Variants in ZNF541 observed in about 807,000 individuals in gnomAD.
ZNF541 encodes the protein zinc finger protein 541.
ZNF541 carries 23 observed loss-of-function variants against 123.5 expected under a neutral mutation model. The observed-to-expected ratio is 0.19, with a 90% CI of 0.13 to 0.26. ZNF541 has a LOEUF of 0.26. Ranked by LOEUF, ZNF541 falls within the 10% of genes least tolerant of loss-of-function variation. ZNF541 has a pLI of 1.00. For missense variants in ZNF541, 1,612 were observed against 1,789.9 expected, an observed-to-expected ratio of 0.90 and a Z score of 1.79; for synonymous variants, 751 against 754.5, an observed-to-expected ratio of 1.00 and a Z score of 0.08.
At chr19:47,563,208 C>G (rs1971134781) in intron 2 of ZNF541, among the ~76,000 whole-genome samples, 1 of 152,224 alleles carries the variant, frequency 6.6e-6, no homozygotes, top group South Asian at 2.1e-4. Context: ...TGAGACCCAA[C>G]TGAGTTTCAG....
rs892227188 is a variant in ZNF541 at position 47,544,608 on chromosome 19, C to G, written c.1921G>C (p.Gly641Arg). Residue 641 changes from glycine (G) to arginine (R), a missense_variant, in exon 5 of 17, where the codon GGC (glycine) becomes CGC (arginine). Physicochemically the swap from Gly to Arg is moderately radical, Grantham distance 125 (BLOSUM62 -2). Around this residue, in one of 5 missense-constraint regions of ZNF541, gnomAD observed 1,080 missense variants for 1,013.8 expected, o/e 1.07. Transcript: ENST00000391901. Reference sequence around the variant, plus strand: ...CCCTTTGCGTCTCGTCTCGTGCTGCCGGGGGAGGCCTCTCTGGGAACCCCG... The same window carrying G: ...CCCTTTGCGTCTCGTCTCGTGCTGCGGGGGGAGGCCTCTCTGGGAACCCCG... ...TPGVPREASP[G>R]STRRDAKGGL... 3 of 1,550,962 alleles carry G rather than the reference C, an allele frequency of 1.9e-6. No individual in the cohort carries two copies. Among genetic ancestry groups the G allele is most frequent in the Non-Finnish European group, 2.6e-6 (3 of 1,146,948 alleles).
chr19:47,561,779 TAACAG>T (rs1971073384), intron 2 of ZNF541, among the ~76,000 whole-genome samples: 1 of 151,996 alleles, frequency 6.6e-6, no homozygotes, highest in Admixed American at 6.6e-5. Context: ...ACCACTAAAC[TAACAG>T]AACAGACTAC....
chr19:47,545,676 G>C lies in ZNF541; in HGVS notation c.853C>G (p.Gln285Glu), dbSNP rs1378033155. ...LRRIVSSIVH[Q>E]KTPSPGPAPA... ...GCTGGGCCAGGAGAAGGGGTCTTCT[G>C]GTGGACGATGCTACTCACGATGCGG... Residue 285 changes from glutamine to glutamate, a missense_variant, in exon 5 of 17, where the codon CAG (glutamine) becomes GAG (glutamate). Physicochemically the swap from Gln to Glu is conservative, Grantham distance 29 (BLOSUM62 2). Around this residue, in one of 5 missense-constraint regions of ZNF541, gnomAD observed 1,080 missense variants for 1,013.8 expected, o/e 1.07. Transcript: ENST00000391901. The surrounding 1 kb of genome is among the most constrained non-coding windows in gnomAD (Gnocchi z 7.5). The C allele has an allele frequency of 5.8e-6, 9 of 1,548,766 alleles. No homozygotes were observed. The highest frequency in any genetic ancestry group is 7.0e-6 in the Non-Finnish European group (8 of 1,146,782).
intron 3 of ZNF541, among the ~76,000 whole-genome samples, chr19:47,553,696 G>A (rs1254209423): frequency 6.6e-6 from 1 of 152,064 alleles, no homozygotes; most frequent in Non-Finnish European, 1.5e-5. Flanking sequence ...GAGCCACCAC[G>A]CCTGGCCAAA....
At chr19:47,553,077 C>T (rs1333203314) in intron 3 of ZNF541, among the ~76,000 whole-genome samples, 1 of 151,800 alleles carries the variant, frequency 6.6e-6, no homozygotes, top group Non-Finnish European at 1.5e-5. Flanking sequence ...CCATTACACT[C>T]TAACCTGGTG....
intron 2 of ZNF541, among the ~76,000 whole-genome samples, chr19:47,570,039 C>T (rs1192232707): frequency 1.3e-5 from 2 of 152,100 alleles, no homozygotes; most frequent in African/African-American, 2.4e-5. Context: ...CTTTGGGAGG[C>T]TGAGGCGGGC....
chr19:47,561,635 G>C (rs866558216), intron 2 of ZNF541, among the ~76,000 whole-genome samples: 19 of 152,114 alleles, frequency 1.2e-4, no homozygotes, highest in African/African-American at 4.3e-4. Flanking sequence ...GCGAAGGTAG[G>C]GTTGTTAACC....
At chr19:47,550,374 GAGAA>G (rs1280620624) in intron 3 of ZNF541, among the ~76,000 whole-genome samples, 7 of 148,490 alleles carry the variant, frequency 4.7e-5, no homozygotes, top group African/African-American at 1.7e-4. Context: ...AAGAAGGAAA[GAGAA>G]AGAGAAAGAT....
chr19:47,571,811 A>G (rs151285017), intron 2 of ZNF541, among the ~76,000 whole-genome samples, 85 bp downstream of exon 2: 47 of 152,304 alleles, frequency 3.1e-4, no homozygotes, highest in African/African-American at 1.1e-3. Flanking sequence ...GGACTTTGGT[A>G]TTGCTTAGAA....
At chr19:47,526,936 C>T (rs1251694263) in intron 14 of ZNF541, among the ~76,000 whole-genome samples, 2 of 152,144 alleles carry the variant, frequency 1.3e-5, no homozygotes, top group African/African-American at 4.8e-5. Flanking sequence ...CAAATGTCCA[C>T]CAACAGGCAA....
At chr19:47,539,958 T>A in intron 7 of ZNF541, 80 bp from the exon 8 acceptor site, 1 of 1,498,272 alleles carries the variant, frequency 6.7e-7, no homozygotes, top group African/African-American at 1.4e-5. Context: ...CAAAAAAAGC[T>A]GTCATAGAAA....
At chr19:47,566,730 G>A (rs534305797) in intron 2 of ZNF541, among the ~76,000 whole-genome samples, 6 of 146,874 alleles carry the variant, frequency 4.1e-5, no homozygotes, top group African/African-American at 1.5e-4. Context: ...TGGTGACAAA[G>A]CCAGACTCCA....
At chr19:47,567,339 C>T (rs893677411) in intron 2 of ZNF541, among the ~76,000 whole-genome samples, 1 of 152,114 alleles carries the variant, frequency 6.6e-6, no homozygotes, top group African/African-American at 2.4e-5. Context: ...TTCACTGCAA[C>T]CTCCACCTCC....
chr19:47,526,288 C>T (rs1969291110), intron 14 of ZNF541, among the ~76,000 whole-genome samples: 3 of 151,990 alleles, frequency 2.0e-5, no homozygotes, highest in Non-Finnish European at 2.9e-5. Context: ...TCGAGACCAG[C>T]CTGGTCAACA....
intron 2 of ZNF541, among the ~76,000 whole-genome samples, chr19:47,561,163 A>G (rs537700631): frequency 1.3e-5 from 2 of 152,352 alleles, no homozygotes; most frequent in East Asian, 3.9e-4. Flanking sequence ...CAAAACCCAC[A>G]GAACTATACA....
At chr19:47,556,286 G>GA (rs1200337529) in intron 2 of ZNF541, among the ~76,000 whole-genome samples, 2 of 152,118 alleles carry the variant, frequency 1.3e-5, no homozygotes, top group African/African-American at 2.4e-5. Flanking sequence ...CAAAAGACAG[G>GA]AAAAATCCCA....
Position 47,551,241 on chromosome 19 carries a change from T to C in ZNF541, c.308-1756A>G, listed in dbSNP as rs560211517. On this transcript the variant is annotated intron_variant, in intron 3 of 16. Transcript: ENST00000391901. ...TTTTAGTAGAGATGGGGTTTCACCA[T>C]GTTGGCCAGGCTGGTCTCGAACTTC... is the stretch of plus-strand genomic sequence containing the variant. Among the ~76,000 whole-genome samples, 4 of 152,066 alleles carry C rather than the reference T, an allele frequency of 2.6e-5. No homozygotes were observed. In the South Asian group the frequency reaches 8.3e-4, roughly 32 times the overall value.
At chr19:47,565,974 C>G (rs1056082172) in intron 2 of ZNF541, among the ~76,000 whole-genome samples, 2 of 151,992 alleles carry the variant, frequency 1.3e-5, no homozygotes, top group Non-Finnish European at 2.9e-5. Context: ...GTCAGGAGTT[C>G]GAGACCAGAC....
intron 14 of ZNF541, among the ~76,000 whole-genome samples, chr19:47,528,426 C>A (rs1969410158): frequency 6.6e-6 from 1 of 151,304 alleles, no homozygotes; most frequent in African/African-American, 2.4e-5. Flanking sequence ...AAACGATTCT[C>A]ATGCCTCAGC....
Sources: allele counts gnomAD v4.1 joint callset (sites outside exome capture counted in the v4.1 genomes callset), GRCh38; gene constraint gnomAD v4.1.1; regional missense constraint gnomAD v4.1.1; non-coding constraint Gnocchi (gnomAD v3.1); transcripts MANE v1.5; gene names NCBI Gene and HGNC (gene_info 2026-07-23, HGNC 2026-07-21).